The following LRRC49 variants were observed in gnomAD, a reference collection of about 807,000 sequenced individuals.
The protein encoded by LRRC49 is leucine-rich repeat-containing protein 49.
A neutral mutation model predicts 83.3 loss-of-function variants in LRRC49; 50 were observed. That is an observed-to-expected ratio of 0.60 (90% CI 0.48 to 0.76). The LOEUF (loss-of-function observed/expected upper bound fraction) is 0.76, where lower values mean the gene tolerates loss of function less well. Ranked by LOEUF, LRRC49 falls within the 30% of genes least tolerant of loss-of-function variation. LRRC49 has a pLI of 0.00. For synonymous variants in LRRC49, 286 were observed against 283.3 expected, an observed-to-expected ratio of 1.01 and a Z score of -0.10; for missense variants, 704 against 809.1, an observed-to-expected ratio of 0.87 and a Z score of 1.58.
intron 14 of LRRC49, among the ~76,000 whole-genome samples, chr15:71,030,722 T>G (rs1201296037): frequency 3.3e-5 from 5 of 152,070 alleles, no homozygotes. Flanking sequence ...TTCCTTTTCA[T>G]TCTTTTTTCT....
intron 6 of LRRC49, 146 bp downstream of exon 6, chr15:70,911,744 TAGA>T (rs577000128): frequency 5.2e-5 from 29 of 557,336 alleles, no homozygotes; most frequent in African/African-American, 4.4e-4. Flanking sequence ...AGCTTATTTA[TAGA>T]AGATTTGGTA....
At chr15:70,974,216 C>A (rs2037122957) in intron 9 of LRRC49, among the ~76,000 whole-genome samples, 1 of 152,190 alleles carries the variant, frequency 6.6e-6, no homozygotes, top group Non-Finnish European at 1.5e-5. Context: ...CACTAAAAAA[C>A]AATTCATGCC....
At chr15:70,993,373 G>T (rs2037962519) in intron 11 of LRRC49, among the ~76,000 whole-genome samples, 1 of 152,062 alleles carries the variant, frequency 6.6e-6, no homozygotes, top group African/African-American at 2.4e-5. Context: ...ACGCTTGGTG[G>T]GCTGCACTCA....
Position 71,008,393 on chromosome 15 carries a change from G to A in LRRC49, c.1184G>A (p.Gly395Glu). Residue 395 changes from glycine to glutamate, a missense_variant, in exon 12 of 16, where the codon GGA becomes GAA. By Grantham distance (98) the Gly-to-Glu change is moderately conservative. This residue lies in a region of LRRC49 where 168 missense variants were observed against 140.6 expected (regional missense o/e 1.20). Coordinates refer to ENST00000260382, the MANE Select transcript of LRRC49 (RefSeq NM_017691.5). ...GGGTTTTCCAGGCCTCTAGACTCAG[G>A]ACTCAACAATGCTTTACAAGGTTTA... ...FPEETGPLDS[G>E]LNNALQGLSV... The A allele has an allele frequency of 6.2e-7, 1 of 1,611,456 alleles. No individual in the cohort carries two copies. Among genetic ancestry groups the A allele is most frequent in the Non-Finnish European group, 8.5e-7 (1 of 1,178,048 alleles).
chr15:71,015,966 G>A (rs574765204), intron 14 of LRRC49, among the ~76,000 whole-genome samples: 14 of 152,116 alleles, frequency 9.2e-5, no homozygotes, highest in African/African-American at 2.9e-4. Context: ...TATATGAAAC[G>A]GTTAAGGTGT....
At chr15:70,898,810 A>G (rs1274001290) in intron 3 of LRRC49, among the ~76,000 whole-genome samples, 1 of 152,130 alleles carries the variant, frequency 6.6e-6, no homozygotes, top group Non-Finnish European at 1.5e-5. Context: ...AAAAGGAAAT[A>G]AACAGTAACA....
chr15:70,906,106 T>C (rs2034298861), intron 5 of LRRC49, among the ~76,000 whole-genome samples: 1 of 149,302 alleles, frequency 6.7e-6, no homozygotes, highest in Non-Finnish European at 1.5e-5. Context: ...TTCTTTTTTT[T>C]TTTTTTTTTG....
intron 13 of LRRC49, 79 bp from the exon 14 acceptor site, chr15:71,012,725 C>A (rs1327945205): frequency 4.0e-6 from 3 of 756,862 alleles, no homozygotes; most frequent in African/African-American, 1.8e-5. Flanking sequence ...TAATTTGGAT[C>A]TCTCTTTGGG....
In LRRC49 at chr15:70,909,839, A is replaced by AACACACACACACACACACACACAC. The variant is rs146189261; in HGVS notation, c.501-1677_501-1654dup. Among the ~76,000 whole-genome samples, 22 of 136,152 alleles carry AACACACACACACACACACACACAC rather than the reference A, an allele frequency of 1.6e-4. 1 individual carries two copies. The highest frequency in any genetic ancestry group is 2.4e-4 in the Non-Finnish European group (15 of 63,192). The allele number at this position is 136,152 out of a possible 152,430, so 89.3% of individuals were successfully genotyped here. On this transcript the variant is annotated intron_variant, in intron 5 of 15. Coordinates refer to ENST00000260382, the MANE Select transcript of LRRC49 (RefSeq NM_017691.5). ...GGTGACAGGGCGAGACTCCATCTCA[A>AACACACACACACACACACACACAC]ACACACACACACACACACACACACA...
At chr15:71,008,235 G>T in intron 11 of LRRC49, 144 bp from the exon 12 acceptor site, 1 of 533,852 alleles carries the variant, frequency 1.9e-6, no homozygotes. Flanking sequence ...ATAGTCTATT[G>T]AAAATTAGTC....
chr15:70,882,642 C>T (rs2033293448), intron 2 of LRRC49: 2 of 1,613,644 alleles, frequency 1.2e-6, no homozygotes, highest in Admixed American at 3.3e-5. Context: ...TTCACTTTGG[C>T]TTGAATACCT....
At chr15:70,866,831 C>T (rs569626563) in intron 1 of LRRC49, among the ~76,000 whole-genome samples, 15 of 152,024 alleles carry the variant, frequency 9.9e-5, no homozygotes, top group African/African-American at 3.6e-4. Flanking sequence ...GCCTTATTCT[C>T]CAGATTTGAA....
intron 14 of LRRC49, 80 bp downstream of exon 14, chr15:71,012,993 A>G (rs1448455784): frequency 3.6e-6 from 3 of 830,008 alleles, no homozygotes; most frequent in Non-Finnish European, 5.9e-6. Context: ...CCTCCTAACT[A>G]TGCTAATTAT....
intron 9 of LRRC49, among the ~76,000 whole-genome samples, chr15:70,972,900 G>C (rs531629054): frequency 1.3e-4 from 19 of 151,872 alleles, no homozygotes; most frequent in Non-Finnish European, 2.4e-4. Context: ...CTTTTTTCAG[G>C]GTTCTTAGCT....
At chr15:70,906,252 A>G (rs1337185237) in intron 5 of LRRC49, among the ~76,000 whole-genome samples, 1 of 151,894 alleles carries the variant, frequency 6.6e-6, no homozygotes, top group Non-Finnish European at 1.5e-5. Flanking sequence ...ACGTGCCACC[A>G]TGCCCAGCTA....
At chr15:70,962,606 G>T (rs1331294602) in intron 8 of LRRC49, among the ~76,000 whole-genome samples, 1 of 151,556 alleles carries the variant, frequency 6.6e-6, no homozygotes, top group African/African-American at 2.4e-5. Flanking sequence ...GTAAGAAAGT[G>T]CTCAGAAAAA....
chr15:70,908,023 G>T, intron 5 of LRRC49: 1 of 455,908 alleles, frequency 2.2e-6, no homozygotes, highest in Non-Finnish European at 4.4e-6. Context: ...GGTGTTGGGG[G>T]GTGGAAAGAG....
chr15:70,869,427 A>G (rs1461127737), intron 1 of LRRC49, among the ~76,000 whole-genome samples: 1 of 152,182 alleles, frequency 6.6e-6, no homozygotes, highest in Non-Finnish European at 1.5e-5. Context: ...TTTCAGTGGT[A>G]GGCGATTGGC....
intron 7 of LRRC49, among the ~76,000 whole-genome samples, chr15:70,930,765 CTTTTA>C (rs1014855013): frequency 4.6e-5 from 7 of 152,210 alleles, no homozygotes; most frequent in Non-Finnish European, 8.8e-5. Context: ...TCACCTTGCA[CTTTTA>C]TGTTCTGGAG....
Sources: gnomAD v4.1 joint callset for allele counts (sites outside exome capture counted in the v4.1 genomes callset) on GRCh38, gnomAD v4.1.1 for gene constraint, gnomAD v4.1.1 regional missense constraint, MANE v1.5 for transcripts, NCBI Gene and HGNC (gene_info 2026-07-23, HGNC 2026-07-21) for gene names.